The following PLEKHM3 variants were observed in gnomAD, a reference collection of about 807,000 sequenced individuals.
The protein encoded by PLEKHM3 is pleckstrin homology domain-containing family M member 3.
In PLEKHM3, 45 loss-of-function variants were observed where a neutral mutation model predicts 81.8. The ratio of observed to expected loss-of-function variants is 0.55; its 90% CI spans 0.43 to 0.71. PLEKHM3 has a LOEUF of 0.71. Ranked by LOEUF, PLEKHM3 falls within the 30% of genes least tolerant of loss-of-function variation. The probability of loss-of-function intolerance (pLI) is 0.00; values close to 1 mark genes in which losing one functional copy is unlikely to be tolerated. For missense variants in PLEKHM3, 788 were observed against 924.3 expected (o/e 0.85, Z 1.91); for synonymous variants, 352 against 356.4 (o/e 0.99, Z 0.14).
intron 5 of PLEKHM3, among the ~76,000 whole-genome samples, chr2:207,925,146 T>G (rs1357482427): frequency 6.1e-5 from 9 of 148,422 alleles, no homozygotes; most frequent in African/African-American, 2.2e-4. Flanking sequence ...TTTTGTTTTT[T>G]GTTTTTTTTT....
intron 4 of PLEKHM3, among the ~76,000 whole-genome samples, chr2:207,942,644 T>A (rs1380252573): frequency 1.3e-5 from 2 of 151,936 alleles, no homozygotes; most frequent in Non-Finnish European, 2.9e-5. Flanking sequence ...CTCACTCCTG[T>A]AATGCCAGCA....
chr2:207,899,574 T>A (rs920726924), intron 6 of PLEKHM3, among the ~76,000 whole-genome samples: 1 of 152,162 alleles, frequency 6.6e-6, no homozygotes, highest in African/African-American at 2.4e-5. Flanking sequence ...AGAGTTGGGC[T>A]CACATTTCAG....
Position 207,976,949 on chromosome 2 carries a change from G to T in PLEKHM3, c.1248C>A (p.Asp416Glu), listed in dbSNP as rs1278816114. 44 of 1,614,210 alleles carry T rather than the reference G, an allele frequency of 2.7e-5. No individual in the cohort carries two copies. The highest frequency in any genetic ancestry group is 3.6e-5 in the Non-Finnish European group (43 of 1,180,036). ...NVDVCLAVQM[D>E]NLDGCDSCFQ... The stretch of plus-strand genomic sequence containing the variant: ...AGCAAGAGTCGCAGCCATCCAGGTT[G>T]TCCATCTGGACAGCCAGACACACGT... Residue 416 changes from aspartate (D) to glutamate (E), a missense_variant, in exon 3 of 8, where the codon GAC becomes GAA. Transcript: ENST00000427836. The surrounding 1 kb of genome is among the most constrained non-coding windows in gnomAD (Gnocchi z 4.1).
At chr2:207,864,690 G>A (rs2105817867) in intron 6 of PLEKHM3, among the ~76,000 whole-genome samples, 1 of 152,216 alleles carries the variant, frequency 6.6e-6, no homozygotes, top group East Asian at 1.9e-4. Context: ...TTGGAGAAAG[G>A]GTGTGAACAT....
intron 1 of PLEKHM3, among the ~76,000 whole-genome samples, chr2:208,022,220 A>C (rs919207487): frequency 1.3e-5 from 2 of 152,174 alleles, no homozygotes; most frequent in Non-Finnish European, 2.9e-5. Context: ...AATTTATGTT[A>C]ATTTGAGATT....
At chr2:207,974,230 TC>T (rs1691224452) in intron 3 of PLEKHM3, among the ~76,000 whole-genome samples, 1 of 152,194 alleles carries the variant, frequency 6.6e-6, no homozygotes, top group African/African-American at 2.4e-5. Context: ...CTACTCAGCT[TC>T]CTTCTCCTTC....
intron 6 of PLEKHM3, among the ~76,000 whole-genome samples, chr2:207,896,231 A>G (rs1372069002): frequency 1.3e-5 from 2 of 152,234 alleles, no homozygotes; most frequent in Non-Finnish European, 2.9e-5. Context: ...AGAAACTGGG[A>G]TTCGAGAAGT....
chr2:208,019,322 T>A (rs1188670687), intron 1 of PLEKHM3, among the ~76,000 whole-genome samples: 1 of 151,986 alleles, frequency 6.6e-6, no homozygotes, highest in Non-Finnish European at 1.5e-5. Flanking sequence ...AAACCAAACC[T>A]GGAATTTTCC....
chr2:207,944,461 A>T (rs1690054072), intron 4 of PLEKHM3, among the ~76,000 whole-genome samples: 1 of 152,208 alleles, frequency 6.6e-6, no homozygotes, highest in African/African-American at 2.4e-5. Flanking sequence ...GGCTGGAAGG[A>T]GGACAATGAG....
chr2:207,845,596 T>C (rs935153374), intron 7 of PLEKHM3, among the ~76,000 whole-genome samples: 1 of 152,136 alleles, frequency 6.6e-6, no homozygotes, highest in Non-Finnish European at 1.5e-5. Flanking sequence ...CTCCAACATA[T>C]GATAAGGATG....
intron 7 of PLEKHM3, among the ~76,000 whole-genome samples, chr2:207,851,077 T>C (rs1386218888): frequency 1.5e-5 from 2 of 133,558 alleles, no homozygotes; most frequent in African/African-American, 5.8e-5. Context: ...TGTTTGAACC[T>C]GGGAAGCGGA....
At chr2:207,855,706 C>T (rs2092434255) in intron 7 of PLEKHM3, among the ~76,000 whole-genome samples, 1 of 152,152 alleles carries the variant, frequency 6.6e-6, no homozygotes, top group South Asian at 2.1e-4. Flanking sequence ...ACCCATAAAA[C>T]CGACTCCACA....
In PLEKHM3 at chr2:207,822,111, G is replaced by GT. The variant is rs2092221386; in HGVS notation, c.*6207dup. The stretch of plus-strand genomic sequence containing the variant: ...GTAGGCACATGCCACCATGCCCAGC[G>GT]TAACAGTAAGATTCTGATAGGTGAC... On this transcript the variant is annotated 3_prime_UTR_variant, in exon 8 of 8. Coordinates refer to ENST00000427836, the MANE Select transcript of PLEKHM3 (RefSeq NM_001080475.3). 1.3e-5 allele frequency: 2 copies of GT among 152,066 alleles called. No individual in the cohort carries two copies. The highest frequency in any genetic ancestry group is 2.9e-5 in the Non-Finnish European group (2 of 68,074). 9.4% of individuals were successfully genotyped at this position (152,066 alleles called of 1,614,324 possible). A position where few individuals can be genotyped will look rare whatever the true frequency, so the allele number is the denominator to read the frequency against.
chr2:207,964,648 G>T (rs1479786210), intron 3 of PLEKHM3, among the ~76,000 whole-genome samples: 1 of 152,132 alleles, frequency 6.6e-6, no homozygotes, highest in East Asian at 1.9e-4. Flanking sequence ...AAAGTACAAT[G>T]CAGAACCATA....
rs188928664 is a variant in PLEKHM3, at chr2:207,822,809, A to T, written c.*5510T>A. ...GGCTTCAAGTGGTTCAGACTAGACT[A>T]GAAGCACGAGACAGTACTATAAGGC... On this transcript the variant is annotated 3_prime_UTR_variant, in exon 8 of 8. Coordinates refer to ENST00000427836, the MANE Select transcript of PLEKHM3 (RefSeq NM_001080475.3). The T allele has an allele frequency of 3.3e-5, 5 of 152,380 alleles. No individual in the cohort carries two copies. Among genetic ancestry groups the T allele is most frequent in the African/African-American group, 1.2e-4 (5 of 41,580 alleles). The allele number at this position is 152,380 out of a possible 1,614,324, so 9.4% of individuals were successfully genotyped here.
chr2:207,844,303 C>CTTT (rs377510756), intron 7 of PLEKHM3, among the ~76,000 whole-genome samples: 2 of 125,074 alleles, frequency 1.6e-5, no homozygotes, highest in African/African-American at 2.9e-5. Flanking sequence ...ATTTATTTTT[C>CTTT]TTTTTTTTTT....
rs971472420 is a variant in PLEKHM3, at chr2:207,901,246, C to T, written c.1950+7268G>A. ...GCACATTTGCTGCCACATCCCGTGC[C>T]GAGCTCCCCCGATCCTTCAATCATC... On this transcript the variant is annotated intron_variant, in intron 6 of 7. Coordinates refer to ENST00000427836, the MANE Select transcript of PLEKHM3 (RefSeq NM_001080475.3). 5.7e-6 allele frequency: 4 copies of T among 702,866 alleles called. No individual in the cohort carries two copies. In the African/African-American group the frequency reaches 7.0e-5, roughly 12 times the overall value. 43.5% of individuals were successfully genotyped at this position (702,866 alleles called of 1,614,324 possible). A position where few individuals can be genotyped will look rare whatever the true frequency, so the allele number is the denominator to read the frequency against.
chr2:207,914,267 G>A (rs1480916000), intron 5 of PLEKHM3, among the ~76,000 whole-genome samples: 4 of 151,914 alleles, frequency 2.6e-5, no homozygotes, highest in Non-Finnish European at 4.4e-5. Flanking sequence ...AGGCCAAGTC[G>A]GGCTGATCAC....
intron 7 of PLEKHM3, among the ~76,000 whole-genome samples, chr2:207,845,785 A>G (rs976139343): frequency 2.6e-5 from 4 of 152,272 alleles, no homozygotes; most frequent in African/African-American, 7.2e-5. Context: ...AGCAGTTACT[A>G]AGTGTTGTCT....
Sources: allele counts gnomAD v4.1 joint callset (sites outside exome capture counted in the v4.1 genomes callset), GRCh38; gene constraint gnomAD v4.1.1; non-coding constraint Gnocchi (gnomAD v3.1); transcripts MANE v1.5; gene names NCBI Gene and HGNC (gene_info 2026-07-23, HGNC 2026-07-21).